GLIS3: variants seen among roughly 807,000 people sequenced by gnomAD.
GLIS3 encodes zinc finger protein GLIS3.
In GLIS3, 53 loss-of-function variants were observed where a neutral mutation model predicts 78.6. The observed-to-expected ratio is 0.67, with a 90% confidence interval of 0.54 to 0.85. GLIS3 has a LOEUF of 0.85. Among genes scored for constraint, GLIS3 ranks in the 40% least tolerant of loss-of-function variants. The pLI, the probability that GLIS3 is intolerant of heterozygous loss-of-function variation, is 0.00. For missense variants in GLIS3, 1,703 were observed against 1,231.1 expected (o/e 1.38, Z -5.74); for synonymous variants, 684 against 509.9 (o/e 1.34, Z -4.60).
chr9:3,896,055 T>A (rs1049644252), intron 7 of GLIS3, among the ~76,000 whole-genome samples: 1 of 152,252 alleles, frequency 6.6e-6, no homozygotes, highest in Non-Finnish European at 1.5e-5. Flanking sequence ...TTAATCTTCA[T>A]CAAATTGTCT....
chr9:4,291,842 T>C (rs1385905947), intron 1 of GLIS3, among the ~76,000 whole-genome samples: 2 of 152,282 alleles, frequency 1.3e-5, no homozygotes, highest in East Asian at 3.9e-4. Flanking sequence ...AGTGCATCTA[T>C]ATAACTTTCA....
chr9:3,852,897 T>A (rs10973823), intron 9 of GLIS3, among the ~76,000 whole-genome samples: 84,987 of 152,028 alleles, frequency 0.56, 25,983 homozygotes, highest in East Asian at 0.79. Flanking sequence ...CCATGGGGAA[T>A]TTTTTAACAA....
chr9:3,836,725 C>G (rs533620415), intron 9 of GLIS3, among the ~76,000 whole-genome samples: 1 of 152,190 alleles, frequency 6.6e-6, no homozygotes, highest in Non-Finnish European at 1.5e-5. Context: ...CCCAGCAAGA[C>G]GAGAGCCATA....
chr9:4,439,026 G>T, the GLIS3 span, among the ~76,000 whole-genome samples: 1 of 152,104 alleles, frequency 6.6e-6, no homozygotes, highest in African/African-American at 2.4e-5. Flanking sequence ...GTTATAATGT[G>T]CCATCAAAAT....
intron 2 of GLIS3, among the ~76,000 whole-genome samples, chr9:4,336,116 G>C (rs1817752522): frequency 6.6e-6 from 1 of 152,180 alleles, no homozygotes; most frequent in Non-Finnish European, 1.5e-5. Context: ...TGATATTAAA[G>C]TAGGGTCACA....
At chr9:4,412,970 C>T in the GLIS3 span, among the ~76,000 whole-genome samples, 3 of 152,188 alleles carry the variant, frequency 2.0e-5, no homozygotes, top group African/African-American at 4.8e-5. Context: ...GTCTCTTTCA[C>T]CAGCCCTTTC....
the GLIS3 span, among the ~76,000 whole-genome samples, chr9:4,483,102 TGACTATTA>T: frequency 2.0e-5 from 3 of 152,200 alleles, no homozygotes; most frequent in Non-Finnish European, 4.4e-5. Flanking sequence ...TTTGTGTCCA[TGACTATTA>T]GAGGACAATA....
At chr9:4,375,624 G>T in the GLIS3 span, among the ~76,000 whole-genome samples, 2 of 152,176 alleles carry the variant, frequency 1.3e-5, no homozygotes, top group Non-Finnish European at 2.9e-5. Context: ...CAACTAAGTA[G>T]AACTACACGT....
intron 4 of GLIS3, among the ~76,000 whole-genome samples, chr9:4,012,722 A>G (rs1455690685): frequency 7.0e-6 from 1 of 141,938 alleles, no homozygotes; most frequent in Non-Finnish European, 1.5e-5. Flanking sequence ...ATTTGTTCAC[A>G]TCTTAGATCT....
chr9:4,353,128 G>C (rs773420781), upstream of GLIS3, among the ~76,000 whole-genome samples: 1 of 152,090 alleles, frequency 6.6e-6, no homozygotes, highest in East Asian at 1.9e-4. Context: ...CAACTTGACC[G>C]AAATTTCTGT....
At chr9:4,373,471 A>C in the GLIS3 span, among the ~76,000 whole-genome samples, 1 of 152,182 alleles carries the variant, frequency 6.6e-6, no homozygotes, top group South Asian at 2.1e-4. Context: ...ATTGGGGAAC[A>C]AACTGCTCTG....
At position 4,215,327 on chromosome 9, in the gene GLIS3, A is replaced by ATG. The variant is rs34915075; in HGVS notation, c.388+70709_388+70710dup. ...AGAGATGAGAGGAGTGTGTGTGCATATGTGTGTGTGTGTGTGTGTGTGTGT... is the reference window on the plus strand; with the variant it reads ...AGAGATGAGAGGAGTGTGTGTGCATATGTGTGTGTGTGTGTGTGTGTGTGTGT... On this transcript the variant is annotated intron_variant, in intron 2 of 10. Transcript: ENST00000381971. Among the ~76,000 whole-genome samples the ATG allele has an allele frequency of 4.1e-4, 61 of 150,444 alleles. No homozygotes were observed. In the Middle Eastern group the frequency reaches 0.014, roughly 34 times the overall value.
intron 4 of GLIS3, among the ~76,000 whole-genome samples, chr9:4,086,764 A>G (rs1829061565): frequency 6.6e-6 from 1 of 152,234 alleles, no homozygotes; most frequent in South Asian, 2.1e-4. Context: ...GACTTTCAGC[A>G]TCATGAACAA....
At chr9:4,165,339 G>T (rs912508713) in intron 2 of GLIS3, among the ~76,000 whole-genome samples, 1 of 152,178 alleles carries the variant, frequency 6.6e-6, no homozygotes, top group South Asian at 2.1e-4. Flanking sequence ...TACTCGGGAG[G>T]CTGAGGCAGG....
At chr9:4,037,547 A>AACACACACACACAC (rs56254712) in intron 4 of GLIS3, among the ~76,000 whole-genome samples, 1,744 of 147,452 alleles carry the variant, frequency 0.012, 27 homozygotes, top group East Asian at 0.045. Context: ...GTGTGCACAC[A>AACACACACACACAC]ACACACACAC....
At chr9:3,853,957 A>T (rs1206234184) in intron 9 of GLIS3, among the ~76,000 whole-genome samples, 1 of 152,212 alleles carries the variant, frequency 6.6e-6, no homozygotes, top group Non-Finnish European at 1.5e-5. Flanking sequence ...TAGCACCAGA[A>T]AGAAAAATCA....
chr9:3,925,345 G>C (rs1825146230), intron 6 of GLIS3, among the ~76,000 whole-genome samples: 1 of 152,154 alleles, frequency 6.6e-6, no homozygotes, highest in African/African-American at 2.4e-5. Flanking sequence ...GGAGAGTGGG[G>C]CCAGGTCTTG....
the GLIS3 span, among the ~76,000 whole-genome samples, chr9:4,373,338 G>C: frequency 6.6e-6 from 1 of 152,178 alleles, no homozygotes; most frequent in Admixed American, 6.5e-5. Flanking sequence ...TCACCTGGGG[G>C]AAATTGGGAA....
the GLIS3 span, among the ~76,000 whole-genome samples, chr9:4,356,568 C>G: frequency 6.6e-6 from 1 of 152,192 alleles, no homozygotes; most frequent in African/African-American, 2.4e-5. Flanking sequence ...AATGCTATTT[C>G]TCACGGTAGG....
Sources: gnomAD v4.1 joint callset for allele counts (sites outside exome capture counted in the v4.1 genomes callset) on GRCh38, gnomAD v4.1.1 for gene constraint, MANE v1.5 for transcripts, NCBI Gene and HGNC (gene_info 2026-07-23, HGNC 2026-07-21) for gene names.